BCL2: variants seen among roughly 807,000 people sequenced by gnomAD.
BCL2 encodes the protein BCL2 apoptosis regulator.
Under a neutral mutation model 14.2 loss-of-function variants are expected in BCL2, and 1 was observed. The observed-to-expected ratio is 0.07, with a 90% confidence interval of 0.02 to 0.33. BCL2 has a LOEUF of 0.33. Ranked by LOEUF, BCL2 falls within the 10% of genes least tolerant of loss-of-function variation. The pLI is 0.99. For missense variants in BCL2, 247 were observed against 305.9 expected (o/e 0.81, Z 1.44); for synonymous variants, 151 against 137.2 (o/e 1.10, Z -0.70).
intron 2 of BCL2, among the ~76,000 whole-genome samples, chr18:63,252,021 A>T (rs1242322514): frequency 6.6e-6 from 1 of 152,162 alleles, no homozygotes; most frequent in Non-Finnish European, 1.5e-5. Context: ...TTTATATCTG[A>T]TTGTCAAGAC....
chr18:63,172,729 C>T (rs906239505), intron 2 of BCL2, among the ~76,000 whole-genome samples: 7 of 151,990 alleles, frequency 4.6e-5, no homozygotes, highest in South Asian at 2.1e-4. Flanking sequence ...GGCAGTGAGC[C>T]GAGATCGTGC....
At chr18:63,277,916 C>A (rs1404984349) in intron 2 of BCL2, among the ~76,000 whole-genome samples, 1 of 152,178 alleles carries the variant, frequency 6.6e-6, no homozygotes, top group East Asian at 1.9e-4. Flanking sequence ...CCCTGCCCAT[C>A]CTCCCAACTC....
chr18:63,284,849 G>T (rs1001926091), intron 2 of BCL2, among the ~76,000 whole-genome samples: 2 of 152,116 alleles, frequency 1.3e-5, no homozygotes, highest in Non-Finnish European at 2.9e-5. Context: ...TCCTCCCGCT[G>T]GGCCCAGGTC....
At chr18:63,242,051 A>G (rs761678197) in intron 2 of BCL2, among the ~76,000 whole-genome samples, 2 of 152,200 alleles carry the variant, frequency 1.3e-5, no homozygotes, top group Non-Finnish European at 2.9e-5. Context: ...TCCAAGGTGT[A>G]GATCTTCAAA....
intron 2 of BCL2, among the ~76,000 whole-genome samples, chr18:63,269,909 T>C (rs1281406383): frequency 1.3e-5 from 2 of 152,226 alleles, no homozygotes; most frequent in Non-Finnish European, 2.9e-5. Context: ...AAACTAGGTA[T>C]AATTTCCTAG....
intron 2 of BCL2, among the ~76,000 whole-genome samples, chr18:63,266,251 C>A (rs1010287893): frequency 1.3e-5 from 2 of 151,816 alleles, no homozygotes; most frequent in African/African-American, 4.8e-5. Context: ...GAAGAGGAAG[C>A]TCTTAATATA....
Position 63,302,314 on chromosome 18 carries a change from A to AG in BCL2, c.585+15767_585+15768insC, listed in dbSNP as rs1182829535. 276 of 978,644 alleles carry AG rather than the reference A, an allele frequency of 2.8e-4. 2 individuals are homozygous for AG. The African/African-American group carries it at 4.3e-3, about 15-fold the overall frequency. 60.6% of individuals were successfully genotyped at this position (978,644 alleles called of 1,614,324 possible). A position where few individuals can be genotyped will look rare whatever the true frequency, so the allele number is the denominator to read the frequency against. Reference sequence around the variant, plus strand: ...AAAACTCCTTCTCAAAAAAAAAAAAAAGAGAGAGAAAGAGAGAAAGAGAGA... The same window carrying AG: ...AAAACTCCTTCTCAAAAAAAAAAAAAGAGAGAGAGAAAGAGAGAAAGAGAGA... On this transcript the variant is annotated intron_variant, in intron 2 of 2. Transcript: ENST00000333681.
chr18:63,250,227 A>G (rs946107052), intron 2 of BCL2, among the ~76,000 whole-genome samples: 1 of 152,246 alleles, frequency 6.6e-6, no homozygotes, highest in African/African-American at 2.4e-5. Context: ...CGCTACTGCA[A>G]AGGAGAACAT....
intron 2 of BCL2, among the ~76,000 whole-genome samples, chr18:63,147,566 GC>G (rs1194232227): frequency 6.6e-6 from 1 of 152,160 alleles, no homozygotes; most frequent in Non-Finnish European, 1.5e-5. Context: ...AGAAACACAA[GC>G]CAAAATCTTC....
At chr18:63,186,172 C>T (rs1915589520) in intron 2 of BCL2, among the ~76,000 whole-genome samples, 1 of 152,184 alleles carries the variant, frequency 6.6e-6, no homozygotes, top group South Asian at 2.1e-4. Flanking sequence ...TAAAATAGCA[C>T]TTGCTTTTCT....
At chr18:63,243,742 C>T (rs1421563087) in intron 2 of BCL2, among the ~76,000 whole-genome samples, 1 of 152,022 alleles carries the variant, frequency 6.6e-6, no homozygotes, top group Non-Finnish European at 1.5e-5. Context: ...AGAACACAAA[C>T]CAATGGCTCA....
intron 2 of BCL2, among the ~76,000 whole-genome samples, chr18:63,285,635 G>A (rs1912450460): frequency 6.6e-6 from 1 of 152,180 alleles, no homozygotes; most frequent in Non-Finnish European, 1.5e-5. Context: ...TGTCAGCCAT[G>A]TGGTACGGTT....
chr18:63,136,168 T>C (rs1914202281), intron 2 of BCL2, among the ~76,000 whole-genome samples: 1 of 152,228 alleles, frequency 6.6e-6, no homozygotes, highest in African/African-American at 2.4e-5. Flanking sequence ...CTTTTCTCTC[T>C]TTGACCAATC....
chr18:63,179,416 G>A (rs961451293), intron 2 of BCL2, among the ~76,000 whole-genome samples: 1 of 152,132 alleles, frequency 6.6e-6, no homozygotes, highest in Non-Finnish European at 1.5e-5. Context: ...AGTCCCTCTA[G>A]GGCCCCTGGG....
intron 2 of BCL2, among the ~76,000 whole-genome samples, chr18:63,133,323 T>TA (rs1914122282): frequency 7.0e-6 from 1 of 143,544 alleles, no homozygotes; most frequent in Admixed American, 6.9e-5. Flanking sequence ...TCAAGAATTT[T>TA]TTTTTTTTTT....
At chr18:63,223,086 G>A (rs1910446660) in intron 2 of BCL2, among the ~76,000 whole-genome samples, 1 of 152,206 alleles carries the variant, frequency 6.6e-6, no homozygotes, top group South Asian at 2.1e-4. Flanking sequence ...GAACTGTGCG[G>A]AAGGGAGATG....
chr18:63,272,953 G>A (rs931966588), intron 2 of BCL2, among the ~76,000 whole-genome samples: 1 of 150,364 alleles, frequency 6.7e-6, no homozygotes, highest in Non-Finnish European at 1.5e-5. Flanking sequence ...TAGATCTCTT[G>A]GTAGTCCATT....
At chr18:63,132,496 A>G (rs1385899285) in intron 2 of BCL2, among the ~76,000 whole-genome samples, 1 of 152,192 alleles carries the variant, frequency 6.6e-6, no homozygotes, top group Admixed American at 6.5e-5. Flanking sequence ...TAAAATGTAT[A>G]CATCCCGTGT....
intron 2 of BCL2, among the ~76,000 whole-genome samples, chr18:63,281,672 G>A (rs1341851989): frequency 2.0e-4 from 3 of 14,762 alleles, no homozygotes; most frequent in African/African-American, 4.0e-4. Context: ...GTCTCAGAAA[G>A]AAAGAAAGAA....
Sources: gnomAD v4.1 joint callset for allele counts (sites outside exome capture counted in the v4.1 genomes callset) on GRCh38, gnomAD v4.1.1 for gene constraint, MANE v1.5 for transcripts, NCBI Gene and HGNC (gene_info 2026-07-23, HGNC 2026-07-21) for gene names.